GRPEL2: variants seen among roughly 807,000 people sequenced by gnomAD.
The protein encoded by GRPEL2 is GrpE like 2, mitochondrial.
In GRPEL2, 18 loss-of-function variants were observed where a neutral mutation model predicts 25.9. The ratio of observed to expected loss-of-function variants is 0.70; its 90% CI spans 0.48 to 1.03. The LOEUF (loss-of-function observed/expected upper bound fraction) is 1.03. Among genes scored for constraint, GRPEL2 ranks in the 50% least tolerant of loss-of-function variants. The probability of loss-of-function intolerance (pLI) is 0.00; values close to 1 mark genes in which losing one functional copy is unlikely to be tolerated. For synonymous variants in GRPEL2, 106 were observed against 107.9 expected (o/e 0.98, Z 0.11); for missense variants, 247 against 276.2 (o/e 0.89, Z 0.75).
intron 2 of GRPEL2, 27 bp downstream of exon 2, chr5:149,348,452 A>T: frequency 6.4e-7 from 1 of 1,554,286 alleles, no homozygotes; most frequent in South Asian, 1.2e-5. Flanking sequence ...TTTCTTCTTC[A>T]TATCCTCTCT....
At position 149,345,611 on chromosome 5, in the gene GRPEL2, G is replaced by A. The variant is rs1757674971; in HGVS notation, c.72G>A (p.Glu24=). The A allele has an allele frequency of 6.2e-6, 10 of 1,609,514 alleles. No homozygotes were observed. In the East Asian group the frequency reaches 2.2e-4, roughly 36 times the overall value. ...TACTGGCCTGGAGTGCCGCGTGGGA[G>A]AGCAAGTAAGCATTGCAGGCGGGGA... ...QRLLAWSAAW[E]SKGWPLPFST... The change falls in exon 1 of 4, where the codon GAG becomes GAA. Residue 24 remains glutamate (E), a synonymous_variant. Coordinates refer to ENST00000329271, the MANE Select transcript of GRPEL2 (RefSeq NM_152407.4).
At position 149,350,927 on chromosome 5, in the gene GRPEL2, G is replaced by C; in HGVS notation, c.323G>C (p.Ser108Thr). Residue 108 changes from serine (S) to threonine (T), a missense_variant, in exon 4 of 4, where the codon AGT becomes ACT. By Grantham distance (58) the Ser-to-Thr change is moderately conservative. Coordinates refer to ENST00000329271, the MANE Select transcript of GRPEL2 (RefSeq NM_152407.4). ...VEDAKIFGIQ[S>T]FCKDLVEVAD... ...ACTGGCTTCTCTGCAGGAATCCAGAGTTTCTGTAAGGACTTGGTGGAGGTG... is the reference window on the plus strand; with the variant it reads ...ACTGGCTTCTCTGCAGGAATCCAGACTTTCTGTAAGGACTTGGTGGAGGTG... 1 of 1,612,626 alleles carries C rather than the reference G, an allele frequency of 6.2e-7. No homozygotes were observed. Among genetic ancestry groups the C allele is most frequent in the African/African-American group, 1.3e-5 (1 of 74,938 alleles).
rs930067035 is a variant in GRPEL2 at position 149,353,591 on chromosome 5, T to G, written c.*2309T>G. On this transcript the variant is annotated 3_prime_UTR_variant, in exon 4 of 4. Transcript: ENST00000329271. ...TGGTTTTTGGTTTTTGGTTTTTGGT[T>G]TTTTTTTTTTGGTTGGTTGGTTGTT... The G allele has an allele frequency of 3.4e-5, 5 of 146,522 alleles. No homozygotes were observed. Among genetic ancestry groups the G allele is most frequent in the African/African-American group, 1.1e-4 (4 of 38,094 alleles). The allele number at this position is 146,522 out of a possible 1,614,324, so 9.1% of individuals were successfully genotyped here.
chr5:149,350,998 G>A lies in GRPEL2; in HGVS notation c.394G>A (p.Glu132Lys). ...TACAGAGTGCATTTCTGAAGAATCG[G>A]AGCCTGAGGACCAAAAGCTCACTCT... ...KTTECISEES[E>K]PEDQKLTLEK... is the part of the protein sequence containing the mutation. The change falls in exon 4 of 4, where the codon GAG becomes AAG. Residue 132 changes from glutamate to lysine, a missense_variant. Physicochemically the swap from Glu to Lys is moderately conservative, Grantham distance 56. Transcript: ENST00000329271. 6.2e-7 allele frequency: 1 copy of A among 1,614,228 alleles called. No homozygotes were observed. Among genetic ancestry groups the A allele is most frequent in the Non-Finnish European group, 8.5e-7 (1 of 1,180,032 alleles).
chr5:149,345,680 G>C, intron 1 of GRPEL2, 64 bp downstream of exon 1: 1 of 1,389,706 alleles, frequency 7.2e-7, no homozygotes, highest in Non-Finnish European at 1.0e-6. Flanking sequence ...GCCAGCCGGG[G>C]TGGTTGTGGG....
rs779794013 is a variant in GRPEL2, at chr5:149,351,324, C to A, written c.*42C>A. 1 of 1,547,584 alleles carries A rather than the reference C, an allele frequency of 6.5e-7. No individual in the cohort carries two copies. On this transcript the variant is annotated 3_prime_UTR_variant, in exon 4 of 4. Coordinates refer to ENST00000329271, the MANE Select transcript of GRPEL2 (RefSeq NM_152407.4). ...TGGATGTTCTCCCAGAGCGCAGTCACCTATGTTTCTTTTATTTATTAAACT... is the reference window on the plus strand; with the variant it reads ...TGGATGTTCTCCCAGAGCGCAGTCAACTATGTTTCTTTTATTTATTAAACT...
At chr5:149,345,879 C>G (rs1757680501) in intron 1 of GRPEL2, 1 of 527,662 alleles carries the variant, frequency 1.9e-6, no homozygotes, top group Non-Finnish European at 3.4e-6. Flanking sequence ...CTCTTAAGCC[C>G]CCAAGGGAGG....
At chr5:149,350,543 C>CA (rs1757758794) in intron 3 of GRPEL2, among the ~76,000 whole-genome samples, 1 of 152,192 alleles carries the variant, frequency 6.6e-6, no homozygotes, top group South Asian at 2.1e-4. Flanking sequence ...TGCCATAGCA[C>CA]AACTGGGACA....
Position 149,345,600 on chromosome 5 carries a change from G to A in GRPEL2, c.61G>A (p.Ala21Thr). The A allele has an allele frequency of 6.2e-7, 1 of 1,610,746 alleles. No homozygotes were observed. The highest frequency in any genetic ancestry group is 8.5e-7 in the Non-Finnish European group (1 of 1,178,872). ...GGTGCAGCGCCTACTGGCCTGGAGT[G>A]CCGCGTGGGAGAGCAAGTAAGCATT... ...LRVQRLLAWS[A>T]AWESKGWPLP... Residue 21 changes from alanine to threonine, a missense_variant, in exon 1 of 4, where the codon GCC becomes ACC. Coordinates refer to ENST00000329271, the MANE Select transcript of GRPEL2 (RefSeq NM_152407.4).
intron 2 of GRPEL2, 67 bp from the exon 3 acceptor site, chr5:149,349,587 A>G (rs1290989668): frequency 2.5e-6 from 3 of 1,184,258 alleles, no homozygotes; most frequent in Non-Finnish European, 3.6e-6. Flanking sequence ...TAAAGTAAGC[A>G]AAAACATTCT....
In GRPEL2 at chr5:149,352,910, T is replaced by C. The variant is rs547838334; in HGVS notation, c.*1628T>C. On this transcript the variant is annotated 3_prime_UTR_variant, in exon 4 of 4. Transcript: ENST00000329271. ...CAATTAAGTCTCCATTTAAGATTAATGGGCATGCAATGAAGTCTCCAGCAG... is the reference window on the plus strand; with the variant it reads ...CAATTAAGTCTCCATTTAAGATTAACGGGCATGCAATGAAGTCTCCAGCAG... 2 of 152,382 alleles carry C rather than the reference T, an allele frequency of 1.3e-5. No individual in the cohort carries two copies. Among genetic ancestry groups the C allele is most frequent in the East Asian group, 3.9e-4 (2 of 5,192 alleles). The allele number at this position is 152,382 out of a possible 1,614,324, so 9.4% of individuals were successfully genotyped here.
At chr5:149,350,607 C>T (rs1757759478) in intron 3 of GRPEL2, among the ~76,000 whole-genome samples, 2 of 152,188 alleles carry the variant, frequency 1.3e-5, no homozygotes, top group South Asian at 4.1e-4. Flanking sequence ...AACAAAAATT[C>T]ATGTACATAA....
At chr5:149,348,518 T>C in intron 2 of GRPEL2, 93 bp downstream of exon 2, 1 of 1,072,492 alleles carries the variant, frequency 9.3e-7, no homozygotes, top group Non-Finnish European at 1.3e-6. Flanking sequence ...TGAAGTTTTC[T>C]TTAATTGGCT....
At chr5:149,348,566 C>T (rs1465932309) in intron 2 of GRPEL2, 141 bp downstream of exon 2, 1 of 651,606 alleles carries the variant, frequency 1.5e-6, no homozygotes, top group African/African-American at 1.9e-5. Context: ...CCACTCCTTG[C>T]TAGGTATACT....
At chr5:149,350,004 C>G (rs1246212152) in intron 3 of GRPEL2, 1 of 509,088 alleles carries the variant, frequency 2.0e-6, no homozygotes, top group African/African-American at 2.0e-5. Flanking sequence ...GGATCATGCC[C>G]CTACACTCCA....
chr5:149,346,715 ATTTTTTTTTTTTTTTTTTT>A (rs34300270), intron 1 of GRPEL2, among the ~76,000 whole-genome samples: 271 of 59,256 alleles, frequency 4.6e-3, no homozygotes, highest in African/African-American at 0.02. Context: ...GGCCCTGAGA[ATTTTTTTTTTTTTTTTTTT>A]TTTTTTTTTT....
rs1757788778 is a variant in GRPEL2, at chr5:149,352,297, A to T, written c.*1015A>T. 6.6e-6 allele frequency: 1 copy of T among 151,388 alleles called. No individual in the cohort carries two copies. Among genetic ancestry groups the T allele is most frequent in the African/African-American group, 2.4e-5 (1 of 41,204 alleles). The allele number at this position is 151,388 out of a possible 1,614,324, so 9.4% of individuals were successfully genotyped here. On this transcript the variant is annotated 3_prime_UTR_variant, in exon 4 of 4. Transcript: ENST00000329271. The stretch of plus-strand genomic sequence containing the variant: ...TTTTGCGATAAGAACACTTAACATA[A>T]GTATTCTCTCCTCTTGGCAATTTTT...
At position 149,348,301 on chromosome 5, in the gene GRPEL2, C is replaced by A; in HGVS notation, c.107C>A (p.Thr36Asn). The part of the protein sequence containing the change: ...KGWPLPFSTA[T>N]QRTAGEDCRS... ...TGGCCGCTTCCATTCAGCACTGCCA[C>A]CCAGAGAACTGCTGGTGAGGACTGC... Residue 36 changes from threonine (T) to asparagine (N), a missense_variant, in exon 2 of 4, where the codon ACC becomes AAC. This residue lies in a region of GRPEL2 where 125 missense variants were observed against 107.0 expected (regional missense o/e 1.17). Coordinates refer to ENST00000329271, the MANE Select transcript of GRPEL2 (RefSeq NM_152407.4). 1 of 1,610,334 alleles carries A rather than the reference C, an allele frequency of 6.2e-7. No individual in the cohort carries two copies. Among genetic ancestry groups the A allele is most frequent in the Non-Finnish European group, 8.5e-7 (1 of 1,179,192 alleles).
chr5:149,347,652 T>C (rs1757709018), intron 1 of GRPEL2, among the ~76,000 whole-genome samples: 1 of 152,236 alleles, frequency 6.6e-6, no homozygotes, highest in African/African-American at 2.4e-5. Flanking sequence ...CAGTAACATA[T>C]AGTATTGTAT....
Sources: gnomAD v4.1 joint callset for allele counts (sites outside exome capture counted in the v4.1 genomes callset) on GRCh38, gnomAD v4.1.1 for gene constraint, gnomAD v4.1.1 regional missense constraint, MANE v1.5 for transcripts, NCBI Gene and HGNC (gene_info 2026-07-23, HGNC 2026-07-21) for gene names.